ADK: variants seen among roughly 807,000 people sequenced by gnomAD.
ADK encodes the protein adenosine kinase, also known as N6,N6-dimethyladenosine kinase.
Under a neutral mutation model 44.7 loss-of-function variants are expected in ADK, and 24 were observed. The ratio of observed to expected loss-of-function variants is 0.54; its 90% confidence interval spans 0.39 to 0.76. The LOEUF (loss-of-function observed/expected upper bound fraction) is 0.76. Ranked by LOEUF, ADK falls within the 30% of genes least tolerant of loss-of-function variation. The probability of loss-of-function intolerance (pLI) is 0.00; values close to 1 mark genes in which losing one functional copy is unlikely to be tolerated. For missense variants in ADK, 321 were observed against 425.1 expected (o/e 0.76, Z 2.15); for synonymous variants, 128 against 142.6 (o/e 0.90, Z 0.73).
intron 9 of ADK, among the ~76,000 whole-genome samples, chr10:74,605,508 G>T (rs1256233439): frequency 6.6e-6 from 1 of 152,126 alleles, no homozygotes; most frequent in Non-Finnish European, 1.5e-5. Flanking sequence ...TAATCATGTG[G>T]CTTTTGTTAT....
At chr10:74,319,726 T>C (rs778926183) in intron 4 of ADK, among the ~76,000 whole-genome samples, 1 of 152,208 alleles carries the variant, frequency 6.6e-6, no homozygotes, top group East Asian at 1.9e-4. Flanking sequence ...TGATACCTTC[T>C]TCCTTTTCTT....
intron 6 of ADK, among the ~76,000 whole-genome samples, chr10:74,424,443 A>G (rs937445762): frequency 1.7e-4 from 25 of 147,026 alleles, no homozygotes; most frequent in African/African-American, 6.3e-4. Context: ...CTGAGGCAGG[A>G]GAATTGCTTG....
chr10:74,432,210 C>T (rs1467518482), intron 6 of ADK, among the ~76,000 whole-genome samples: 1 of 152,166 alleles, frequency 6.6e-6, no homozygotes, highest in African/African-American at 2.4e-5. Context: ...AAAAGTAGCA[C>T]AAACATTTGC....
At chr10:74,479,238 G>A (rs73272214) in intron 6 of ADK, among the ~76,000 whole-genome samples, 3,736 of 152,034 alleles carry the variant, frequency 0.025, 137 homozygotes, top group African/African-American at 0.074. Context: ...ACTAAGCAGA[G>A]CTCACCTCGG....
intron 3 of ADK, among the ~76,000 whole-genome samples, chr10:74,251,010 A>G (rs528623206): frequency 5.9e-5 from 9 of 152,270 alleles, no homozygotes; most frequent in Middle Eastern, 6.8e-3. Flanking sequence ...CCAAATTGCT[A>G]GGATTACAAG....
intron 6 of ADK, among the ~76,000 whole-genome samples, chr10:74,473,081 C>T (rs1846667868): frequency 6.6e-6 from 1 of 151,970 alleles, no homozygotes; most frequent in African/African-American, 2.4e-5. Flanking sequence ...CCTTGAACTA[C>T]TGGGCTCAGG....
chr10:74,414,489 AT>A, intron 6 of ADK, among the ~76,000 whole-genome samples: 1 of 152,316 alleles, frequency 6.6e-6, no homozygotes, highest in East Asian at 1.9e-4. Flanking sequence ...TAATCCCAGC[AT>A]TTTGGGAGGC....
rs559033138 is a variant in ADK, at chr10:74,227,834, C to T, written c.194+3243C>T. On this transcript the variant is annotated intron_variant, in intron 3 of 10. Coordinates refer to ENST00000539909, the MANE Select transcript of ADK (RefSeq NM_006721.4). ...CTCCAGCCTGGGTGACAGGGCGAGACTCTGTCTCAAAAAAAAGAAAAAAAA... is the reference window on the plus strand; with the variant it reads ...CTCCAGCCTGGGTGACAGGGCGAGATTCTGTCTCAAAAAAAAGAAAAAAAA... 5.9e-5 allele frequency among the ~76,000 whole-genome samples: 9 copies of T among 151,868 alleles called. No individual in the cohort carries two copies. In the East Asian group the frequency reaches 1.7e-3, roughly 29 times the overall value.
intron 6 of ADK, among the ~76,000 whole-genome samples, chr10:74,501,380 G>C (rs1407437453): frequency 6.6e-6 from 1 of 151,954 alleles, no homozygotes; most frequent in Non-Finnish European, 1.5e-5. Flanking sequence ...ATAAAATTTC[G>C]TGTTTATAAA....
At chr10:74,423,672 G>C in intron 6 of ADK, 1 of 433,830 alleles carries the variant, frequency 2.3e-6, no homozygotes, top group Non-Finnish European at 4.6e-6. Context: ...GGTCTGCCTT[G>C]TTACCCACAA....
intron 7 of ADK, among the ~76,000 whole-genome samples, chr10:74,575,772 T>C (rs1412106071): frequency 6.6e-6 from 1 of 152,040 alleles, no homozygotes; most frequent in Non-Finnish European, 1.5e-5. Context: ...AAAAGCTAAT[T>C]AGAGTTGATA....
chr10:74,257,765 A>G (rs969993802), intron 3 of ADK, among the ~76,000 whole-genome samples: 2 of 152,234 alleles, frequency 1.3e-5, no homozygotes, highest in African/African-American at 4.8e-5. Flanking sequence ...ATAAATTTAA[A>G]CTATAGAAAA....
chr10:74,370,579 A>G lies in ADK; in HGVS notation c.274-23562A>G, dbSNP rs564060194. Among the ~76,000 whole-genome samples the G allele has an allele frequency of 1.4e-4, 21 of 152,322 alleles. No individual in the cohort carries two copies. In the South Asian group the frequency reaches 4.1e-3, roughly 30 times the overall value. Reference sequence around the variant, plus strand: ...TTAGCCCTCTAAAATTTGAGAAAGCAACATCTTTTTTACCTTTTTGCCAGA... The same window carrying G: ...TTAGCCCTCTAAAATTTGAGAAAGCGACATCTTTTTTACCTTTTTGCCAGA... On this transcript the variant is annotated intron_variant, in intron 4 of 10. Coordinates refer to ENST00000539909, the MANE Select transcript of ADK (RefSeq NM_006721.4).
At chr10:74,466,796 A>G (rs1258471667) in intron 6 of ADK, among the ~76,000 whole-genome samples, 1 of 152,124 alleles carries the variant, frequency 6.6e-6, no homozygotes, top group Non-Finnish European at 1.5e-5. Flanking sequence ...TTCAAGATAA[A>G]TGGCTTTGCT....
intron 7 of ADK, among the ~76,000 whole-genome samples, chr10:74,547,414 C>T (rs73274175): frequency 0.043 from 6,221 of 144,636 alleles, 434 homozygotes; most frequent in African/African-American, 0.14. Context: ...ATAGATTTTA[C>T]ATCATTTTTC....
Position 74,177,014 on chromosome 10 carries a change from G to C in ADK, c.66-23750G>C. On this transcript the variant is annotated intron_variant, in intron 1 of 10. Coordinates refer to ENST00000539909, the MANE Select transcript of ADK (RefSeq NM_006721.4). Reference sequence around the variant, plus strand: ...CGCCTCTGGTCCCCCTCGTGTTGGGGGTTCCCTCCGCACTTTTCATTTGGG... The same window carrying C: ...CGCCTCTGGTCCCCCTCGTGTTGGGCGTTCCCTCCGCACTTTTCATTTGGG... The C allele has an allele frequency of 4.5e-6, 6 of 1,321,786 alleles. No homozygotes were observed. The South Asian group carries it at 7.5e-5, about 16-fold the overall frequency. The allele number at this position is 1,321,786 out of a possible 1,614,324, so 81.9% of individuals were successfully genotyped here.
intron 4 of ADK, among the ~76,000 whole-genome samples, chr10:74,387,019 C>T (rs1009406129): frequency 1.8e-4 from 28 of 152,156 alleles, no homozygotes; most frequent in Non-Finnish European, 4.0e-4. Flanking sequence ...TCACTGCAGC[C>T]TCCACCTCCT....
chr10:74,423,480 C>T, intron 6 of ADK: 1 of 193,338 alleles, frequency 5.2e-6, no homozygotes, highest in Non-Finnish European at 1.1e-5. Context: ...TTCTGGAGGT[C>T]CGTACCTCAG....
intron 2 of ADK, among the ~76,000 whole-genome samples, chr10:74,222,679 C>A (rs1368787482): frequency 3.3e-5 from 5 of 151,980 alleles, no homozygotes; most frequent in Non-Finnish European, 7.4e-5. Flanking sequence ...TACTATGCAG[C>A]CATAAAAAAT....
Sources: gnomAD v4.1 joint callset for allele counts (sites outside exome capture counted in the v4.1 genomes callset) on GRCh38, gnomAD v4.1.1 for gene constraint, MANE v1.5 for transcripts, NCBI Gene and HGNC (gene_info 2026-07-23, HGNC 2026-07-21) for gene names.